The following MAL variants were observed in gnomAD, a reference collection of about 807,000 sequenced individuals.
MAL encodes the protein mal, T cell differentiation protein (MAL blood group), also known as myelin and lymphocyte protein.
Under a neutral mutation model 16.7 loss-of-function variants are expected in MAL, and 5 were observed. The observed-to-expected ratio is 0.30, with a 90% confidence interval of 0.16 to 0.63. MAL has a LOEUF of 0.63. MAL is among the 30% of genes least tolerant of loss of function. MAL has a pLI of 0.82. For missense variants in MAL, 202 were observed against 195.8 expected (o/e 1.03, Z -0.19); for synonymous variants, 96 against 85.5 (o/e 1.12, Z -0.67).
intron 1 of MAL, among the ~76,000 whole-genome samples, chr2:95,032,030 T>C (rs1467962946): frequency 6.6e-6 from 1 of 152,264 alleles, no homozygotes; most frequent in Non-Finnish European, 1.5e-5. Context: ...AGCTATATTT[T>C]AAAAGATTGC....
chr2:95,052,689 T>A (rs1368605243), intron 3 of MAL, among the ~76,000 whole-genome samples: 1 of 152,098 alleles, frequency 6.6e-6, no homozygotes, highest in Non-Finnish European at 1.5e-5. Context: ...GAGCAGACAG[T>A]GCCCAGGAGG....
At chr2:95,050,553 G>A (rs1674693723) in intron 3 of MAL, among the ~76,000 whole-genome samples, 1 of 152,158 alleles carries the variant, frequency 6.6e-6, no homozygotes, top group East Asian at 1.9e-4. Context: ...GGAAAGTGTA[G>A]GGCAGAGGCT....
chr2:95,025,999 G>T lies in MAL; in HGVS notation c.93+114G>T, dbSNP rs556875923. The T allele has an allele frequency of 3.3e-6, 3 of 912,302 alleles. No homozygotes were observed. The African/African-American group carries it at 5.2e-5, about 16-fold the overall frequency. 56.5% of individuals were successfully genotyped at this position (912,302 alleles called of 1,614,324 possible). On this transcript the variant is annotated intron_variant, in intron 1 of 3. Coordinates refer to ENST00000309988, the MANE Select transcript of MAL (RefSeq NM_002371.4). The surrounding 1 kb of genome is among the most constrained non-coding windows in gnomAD (Gnocchi z 5.6). ...TAGCTGCGCAGGTTCTGGGAGCATC[G>T]GGGCAGCAGGCGCAGGGCGGGGACT... is the stretch of plus-strand genomic sequence containing the variant.
chr2:95,042,277 G>C (rs1308831281), intron 1 of MAL, among the ~76,000 whole-genome samples: 1 of 152,224 alleles, frequency 6.6e-6, no homozygotes, highest in Non-Finnish European at 1.5e-5. Flanking sequence ...TGTCTTACAG[G>C]AGTTACAGAG....
Position 95,025,799 on chromosome 2 carries a change from C to G in MAL, c.7C>G (p.Pro3Ala), listed in dbSNP as rs369944847. The G allele has an allele frequency of 7.1e-6, 11 of 1,552,708 alleles. No individual in the cohort carries two copies. The highest frequency in any genetic ancestry group is 9.6e-6 in the Non-Finnish European group (11 of 1,149,548). Residue 3 changes from proline to alanine, a missense_variant, in exon 1 of 4, where the codon CCC becomes GCC. By Grantham distance (27) the Pro-to-Ala change is conservative. Transcript: ENST00000309988. The surrounding 1 kb of genome is among the most constrained non-coding windows in gnomAD (Gnocchi z 5.6). Reference protein sequence around the residue: MAPAAATGGSTLP... With the variant: MAAAAATGGSTLP... Reference sequence around the variant, plus strand: ...CCGACGCCAGCACGCCGTCATGGCCCCCGCAGCGGCGACGGGGGGCAGCAC... The same window carrying G: ...CCGACGCCAGCACGCCGTCATGGCCGCCGCAGCGGCGACGGGGGGCAGCAC...
At chr2:95,048,881 A>G (rs1674650532) in intron 2 of MAL, among the ~76,000 whole-genome samples, 1 of 152,110 alleles carries the variant, frequency 6.6e-6, no homozygotes, top group African/African-American at 2.4e-5. Flanking sequence ...CAGTGGCGCA[A>G]TCTCATCTCA....
chr2:95,044,824 G>C (rs1246145571), intron 1 of MAL, among the ~76,000 whole-genome samples: 1 of 152,208 alleles, frequency 6.6e-6, no homozygotes, highest in Non-Finnish European at 1.5e-5. Flanking sequence ...CAGCCAGCAA[G>C]GTGCACACAG....
At chr2:95,026,887 T>C (rs1439873254) in intron 1 of MAL, among the ~76,000 whole-genome samples, 2 of 151,846 alleles carry the variant, frequency 1.3e-5, no homozygotes, top group African/African-American at 4.8e-5. Flanking sequence ...GGACCCCAGG[T>C]TGTTATTGCC....
chr2:95,049,706 G>C lies in MAL; in HGVS notation c.387G>C (p.Val129=). ...ACTACCATGAAAACATTGCTGCCGT[G>C]GTGAGTCCGGGCACCTGGGGCTGTG... is the stretch of plus-strand genomic sequence containing the variant. The part of the protein sequence containing the change: ...YRHYHENIAA[V]VFSYIATLLY... Residue 129 remains valine, a splice_region_variant and synonymous_variant, in exon 3 of 4, where the codon GTG becomes GTC. Transcript: ENST00000309988. 1 of 1,614,160 alleles carries C rather than the reference G, an allele frequency of 6.2e-7. No homozygotes were observed. The highest frequency in any genetic ancestry group is 1.3e-5 in the African/African-American group (1 of 75,062).
chr2:95,042,384 A>G (rs1674489402), intron 1 of MAL, among the ~76,000 whole-genome samples: 1 of 152,210 alleles, frequency 6.6e-6, no homozygotes, highest in African/African-American at 2.4e-5. Flanking sequence ...CATGGGAATC[A>G]GACTCTGGGC....
chr2:95,044,488 A>G (rs1177677992), intron 1 of MAL: 1 of 152,240 alleles, frequency 6.6e-6, no homozygotes, highest in African/African-American at 2.4e-5. Flanking sequence ...CTATAAATAT[A>G]CCATGCAAAG....
intron 1 of MAL, among the ~76,000 whole-genome samples, chr2:95,039,859 G>C (rs1226917230): frequency 2.6e-5 from 4 of 152,222 alleles, no homozygotes; most frequent in African/African-American, 2.4e-5. Flanking sequence ...AAGCCAAACG[G>C]TGTTACTCCT....
At chr2:95,036,243 A>T (rs1674201970) in intron 1 of MAL, among the ~76,000 whole-genome samples, 1 of 152,130 alleles carries the variant, frequency 6.6e-6, no homozygotes, top group African/African-American at 2.4e-5. Flanking sequence ...GACTCCCAAT[A>T]ATCTGCCTTT....
rs1236316684 is a variant in MAL, at chr2:95,049,588, C to G, written c.269C>G (p.Ala90Gly). 6.2e-7 allele frequency: 1 copy of G among 1,614,084 alleles called. No homozygotes were observed. The highest frequency in any genetic ancestry group is 1.3e-5 in the African/African-American group (1 of 74,952). Residue 90 changes from alanine to glycine, a missense_variant, in exon 3 of 4, where the codon GCC becomes GGC. Transcript: ENST00000309988. The part of the protein sequence containing the change: ...GETSWVTLDA[A>G]YHCTAALFYL... Reference sequence around the variant, plus strand: ...ACCCCGTCTGCCCCATAGGACGCAGCCTACCACTGCACCGCTGCCCTCTTT... The same window carrying G: ...ACCCCGTCTGCCCCATAGGACGCAGGCTACCACTGCACCGCTGCCCTCTTT...
intron 1 of MAL, among the ~76,000 whole-genome samples, 167 bp from the exon 2 acceptor site, chr2:95,047,792 G>A (rs1337108922): frequency 2.0e-5 from 3 of 152,158 alleles, no homozygotes; most frequent in Admixed American, 6.5e-5. Flanking sequence ...ACAGGGCCCT[G>A]GGGGGACTAA....
intron 2 of MAL, among the ~76,000 whole-genome samples, chr2:95,048,741 C>T (rs1674647696): frequency 6.6e-6 from 1 of 152,262 alleles, no homozygotes; most frequent in African/African-American, 2.4e-5. Flanking sequence ...CTCTCAAAAG[C>T]TCTGCTACTT....
At chr2:95,046,978 A>G (rs890581774) in intron 1 of MAL, among the ~76,000 whole-genome samples, 1 of 151,524 alleles carries the variant, frequency 6.6e-6, no homozygotes, top group Non-Finnish European at 1.5e-5. Flanking sequence ...AGAAGAAAGA[A>G]AGAAAGAAAA....
chr2:95,031,740 T>C (rs549903718), intron 1 of MAL, among the ~76,000 whole-genome samples: 1 of 152,320 alleles, frequency 6.6e-6, no homozygotes, highest in East Asian at 1.9e-4. Flanking sequence ...TCTCTGACTG[T>C]GTCCACTGGC....
rs1471919649 is a variant in MAL at position 95,049,646 on chromosome 2, C to T, written c.327C>T (p.Ala109=). The change falls in exon 3 of 4, where the codon GCC becomes GCT. Residue 109 remains alanine (A), a synonymous_variant. Coordinates refer to ENST00000309988, the MANE Select transcript of MAL (RefSeq NM_002371.4). ...GCGCCTCAGTCCTGGAGGCCCTGGCCACCATCACGATGCAAGACGGCTTCA... is the reference window on the plus strand; with the variant it reads ...GCGCCTCAGTCCTGGAGGCCCTGGCTACCATCACGATGCAAGACGGCTTCA... ...YLSASVLEAL[A]TITMQDGFTY... 2 of 1,614,104 alleles carry T rather than the reference C, an allele frequency of 1.2e-6. No homozygotes were observed. The highest frequency in any genetic ancestry group is 2.7e-5 in the African/African-American group (2 of 74,930).
Sources: allele counts gnomAD v4.1 joint callset (sites outside exome capture counted in the v4.1 genomes callset), GRCh38; gene constraint gnomAD v4.1.1; non-coding constraint Gnocchi (gnomAD v3.1); transcripts MANE v1.5; gene names NCBI Gene and HGNC (gene_info 2026-07-23, HGNC 2026-07-21).